The following ABR variants were observed in gnomAD, a reference collection of about 807,000 sequenced individuals.
ABR encodes the protein active breakpoint cluster region-related protein.
Under a neutral mutation model 107.2 loss-of-function variants are expected in ABR, and 35 were observed. The observed-to-expected ratio is 0.33, with a 90% CI of 0.25 to 0.43. ABR has a LOEUF of 0.43. Ranked by LOEUF, ABR falls within the 20% of genes least tolerant of loss-of-function variation. The pLI, the probability that ABR is intolerant of heterozygous loss-of-function variation, is 1.00. For synonymous variants in ABR, 498 were observed against 462.0 expected, an observed-to-expected ratio of 1.08 and a Z score of -1.00; for missense variants, 815 against 1,115.2, an observed-to-expected ratio of 0.73 and a Z score of 3.83.
At chr17:1,176,889 GA>G (rs1042425156) in intron 1 of ABR, among the ~76,000 whole-genome samples, 3 of 151,080 alleles carry the variant, frequency 2.0e-5, no homozygotes, top group African/African-American at 7.3e-5. Context: ...AAAGAAAAAA[GA>G]AAGAAAGAGA....
intron 9 of ABR, among the ~76,000 whole-genome samples, chr17:1,068,771 G>C (rs540362738): frequency 1.2e-4 from 19 of 152,304 alleles, no homozygotes; most frequent in South Asian, 6.2e-4. Context: ...CGTCAGCTTG[G>C]GGTTCCAGTC....
At chr17:1,021,656 T>C (rs2586250) in intron 16 of ABR, among the ~76,000 whole-genome samples, 63,936 of 150,754 alleles carry the variant, frequency 0.42, 13,772 homozygotes, top group East Asian at 0.52. Flanking sequence ...ATACAAAAAT[T>C]AGCCAGGCGT....
intron 1 of ABR, among the ~76,000 whole-genome samples, chr17:1,225,150 A>C (rs2043191025): frequency 3.0e-5 from 1 of 33,228 alleles, no homozygotes; most frequent in South Asian, 7.5e-4. Context: ...CTCCATCTCA[A>C]AAAAAAAAAA....
Position 1,091,867 on chromosome 17 carries a change from A to C in ABR, c.346-17T>G. On this transcript the variant is annotated splice_polypyrimidine_tract_variant and intron_variant, in intron 3 of 22. Coordinates refer to ENST00000302538, the MANE Select transcript of ABR (RefSeq NM_021962.5). ...TTTCATGGGCTGGGAGAAACAGAGG[A>C]AGAAAGAGCAGAGGTCGGGGGTAAA... 1 of 1,608,388 alleles carries C rather than the reference A, an allele frequency of 6.2e-7. No individual in the cohort carries two copies. Among genetic ancestry groups the C allele is most frequent in the Non-Finnish European group, 8.5e-7 (1 of 1,176,892 alleles).
intron 4 of ABR, among the ~76,000 whole-genome samples, chr17:1,087,308 G>T (rs1332564780): frequency 6.6e-6 from 1 of 152,152 alleles, no homozygotes; most frequent in Non-Finnish European, 1.5e-5. Flanking sequence ...GAGAGGCTGG[G>T]GTGGGGGTAG....
At chr17:1,130,416 A>C (rs2039775592) in intron 1 of ABR, among the ~76,000 whole-genome samples, 1 of 148,080 alleles carries the variant, frequency 6.8e-6, no homozygotes, top group Admixed American at 6.8e-5. Context: ...GGACAATTCC[A>C]GCACCCTCCC....
At position 1,058,453 on chromosome 17, in the gene ABR, T is replaced by C. The variant is rs963352455; in HGVS notation, c.1305+292A>G. On this transcript the variant is annotated intron_variant, in intron 11 of 22. Transcript: ENST00000302538. ...CTGTGCCCGGCCCAAAGCTCCTCCT[T>C]ATCCAGGCACAGCTGACCTTGCAGG... Among the ~76,000 whole-genome samples, 3 of 152,204 alleles carry C rather than the reference T, an allele frequency of 2.0e-5. No individual in the cohort carries two copies. The South Asian group carries it at 6.2e-4, about 32-fold the overall frequency.
At chr17:1,213,924 A>G (rs1016219729) in intron 1 of ABR, among the ~76,000 whole-genome samples, 2 of 151,094 alleles carry the variant, frequency 1.3e-5, no homozygotes, top group African/African-American at 2.4e-5. Context: ...GTCTCGCCCT[A>G]TCGCCCAGGC....
intron 10 of ABR, among the ~76,000 whole-genome samples, chr17:1,061,941 G>A (rs932782162): frequency 2.6e-5 from 4 of 152,198 alleles, no homozygotes; most frequent in African/African-American, 9.6e-5. Flanking sequence ...GGGAAGAGAG[G>A]AGTCTGACAA....
chr17:1,014,424 G>C (rs914172437), intron 16 of ABR, among the ~76,000 whole-genome samples: 4 of 150,686 alleles, frequency 2.7e-5, no homozygotes, highest in African/African-American at 9.8e-5. Flanking sequence ...CTGGGCGACA[G>C]AGCGAGACTC....
chr17:1,175,172 G>A (rs922811995), intron 1 of ABR, among the ~76,000 whole-genome samples: 2 of 152,238 alleles, frequency 1.3e-5, no homozygotes, highest in African/African-American at 4.8e-5. Flanking sequence ...AGCACTTTGG[G>A]AAGCCGAGGC....
Position 1,006,062 on chromosome 17 carries a change from C to A in ABR, c.*18G>T. 6.4e-7 allele frequency: 1 copy of A among 1,552,700 alleles called. No individual in the cohort carries two copies. ...AGGGGCTGGTTCCACCACCCGCCCG[C>A]AGCCACCCTGCCTCGGGCTACACGT... On this transcript the variant is annotated 3_prime_UTR_variant, in exon 23 of 23. Transcript: ENST00000302538.
intron 1 of ABR, among the ~76,000 whole-genome samples, chr17:1,203,371 G>T (rs1168744747): frequency 2.3e-5 from 3 of 131,676 alleles, no homozygotes; most frequent in Admixed American, 7.2e-5. Flanking sequence ...GTCCCCCGTG[G>T]GGGCGGGGCC....
rs71358534 is a variant in ABR at position 1,118,317 on chromosome 17, G to A, written c.246+6866C>T. Among the ~76,000 whole-genome samples the A allele has an allele frequency of 4.6e-4, 17 of 36,774 alleles. 2 individuals carry two copies. Among genetic ancestry groups the A allele is most frequent in the African/African-American group, 1.9e-3 (16 of 8,342 alleles). The allele number at this position is 36,774 out of a possible 152,430, so 24.1% of individuals were successfully genotyped here. A position where few individuals can be genotyped will look rare whatever the true frequency, so the allele number is the denominator to read the frequency against. ...TCCCTGAGCCTGAGTTCTCCCCAGC[G>A]TTATCCCTGAGCCTGAGTCCTCCCA... On this transcript the variant is annotated intron_variant, in intron 2 of 22. Transcript: ENST00000302538.
At chr17:1,076,465 G>A (rs935920700) in intron 6 of ABR, among the ~76,000 whole-genome samples, 8 of 152,182 alleles carry the variant, frequency 5.3e-5, no homozygotes, top group African/African-American at 1.9e-4. Context: ...GAAAGCACAA[G>A]CTCAGCAGAC....
chr17:1,226,406 C>CATGT (rs1254475927), intron 1 of ABR, among the ~76,000 whole-genome samples: 9 of 152,038 alleles, frequency 5.9e-5, no homozygotes, highest in Non-Finnish European at 1.5e-5. Flanking sequence ...TCTGTGTATG[C>CATGT]ATGTATGTGG....
chr17:1,060,267 G>A (rs928465312), intron 10 of ABR, among the ~76,000 whole-genome samples: 39 of 151,942 alleles, frequency 2.6e-4, no homozygotes, highest in African/African-American at 5.6e-4. Flanking sequence ...AAAAACTACC[G>A]GGCGTGGTGG....
At chr17:1,021,593 C>G (rs1229769239) in intron 16 of ABR, among the ~76,000 whole-genome samples, 1 of 151,774 alleles carries the variant, frequency 6.6e-6, no homozygotes, top group Non-Finnish European at 1.5e-5. Context: ...ATCACAAGGT[C>G]AGGAGATCGA....
upstream of ABR, chr17:1,182,033 G>A (rs184908348): frequency 3.7e-4 from 57 of 152,198 alleles, no homozygotes; most frequent in African/African-American, 1.1e-3. Context: ...GCTTTCCTTC[G>A]CGTTGCCATA....
Sources: allele counts gnomAD v4.1 joint callset (sites outside exome capture counted in the v4.1 genomes callset), GRCh38; gene constraint gnomAD v4.1.1; transcripts MANE v1.5; gene names NCBI Gene and HGNC (gene_info 2026-07-23, HGNC 2026-07-21).